The following TICRR variants were observed in gnomAD, a reference collection of about 807,000 sequenced individuals.
TICRR encodes treslin.
TICRR carries 132 observed loss-of-function variants against 178.1 expected under a neutral mutation model. The ratio of observed to expected loss-of-function variants is 0.74; its 90% confidence interval spans 0.64 to 0.86. TICRR has a LOEUF of 0.86. Ranked by LOEUF, TICRR falls within the 40% of genes least tolerant of loss-of-function variation. The probability of loss-of-function intolerance (pLI) is 0.00; values close to 1 mark genes in which losing one functional copy is unlikely to be tolerated. For missense variants in TICRR, 2,587 were observed against 2,334.3 expected (o/e 1.11, Z -2.23); for synonymous variants, 991 against 900.7 (o/e 1.10, Z -1.79).
In TICRR at chr15:89,576,197, G is replaced by A; in HGVS notation, c.611G>A (p.Arg204Gln). The A allele has an allele frequency of 6.3e-7, 1 of 1,596,180 alleles. No individual in the cohort carries two copies. Among genetic ancestry groups the A allele is most frequent in the South Asian group, 1.1e-5 (1 of 90,516 alleles). ...AGAGTCCGGGAAGTCATGGTCGCCCGAAAAATCACCTTCTACTGGGTGGAT... is the reference window on the plus strand; with the variant it reads ...AGAGTCCGGGAAGTCATGGTCGCCCAAAAAATCACCTTCTACTGGGTGGAT... ...PKRVREVMVA[R>Q]KITFYWVDTT... The change falls in exon 1 of 22, where the codon CGA (arginine) becomes CAA (glutamine). Residue 204 changes from arginine (R) to glutamine (Q), a missense_variant. Physicochemically the swap from Arg to Gln is conservative, Grantham distance 43 (BLOSUM62 1). Coordinates refer to ENST00000268138, the MANE Select transcript of TICRR (RefSeq NM_152259.4).
At chr15:89,614,253 T>A (rs1374590302) in intron 15 of TICRR, among the ~76,000 whole-genome samples, 1 of 152,154 alleles carries the variant, frequency 6.6e-6, no homozygotes, top group Non-Finnish European at 1.5e-5. Context: ...TTTTTTCCCC[T>A]GTGTATGGGC....
chr15:89,590,975 T>C (rs898979608), intron 4 of TICRR, among the ~76,000 whole-genome samples: 1 of 152,186 alleles, frequency 6.6e-6, no homozygotes, highest in Non-Finnish European at 1.5e-5. Context: ...AACCACCTCC[T>C]CCATCAGGCT....
At position 89,575,665 on chromosome 15, in the gene TICRR, G is replaced by A. The variant is rs1371884741; in HGVS notation, c.79G>A (p.Ala27Thr). 3 of 1,581,658 alleles carry A rather than the reference G, an allele frequency of 1.9e-6. No individual in the cohort carries two copies. Among genetic ancestry groups the A allele is most frequent in the Non-Finnish European group, 2.6e-6 (3 of 1,166,256 alleles). The stretch of plus-strand genomic sequence containing the variant: ...CCGCCACAGCCGGGTCCGGCGGGCC[G>A]CCCTGCGCCTCCTCACCTATCTGAG... The part of the protein sequence containing the change: ...AARHSRVRRA[A>T]LRLLTYLSCR... The change falls in exon 1 of 22, where the codon GCC (alanine) becomes ACC (threonine). Residue 27 changes from alanine to threonine, a missense_variant. Physicochemically the swap from Ala to Thr is moderately conservative, Grantham distance 58 (BLOSUM62 0). Coordinates refer to ENST00000268138, the MANE Select transcript of TICRR (RefSeq NM_152259.4).
At chr15:89,592,015 C>T in intron 4 of TICRR, 32 bp from the exon 5 acceptor site, 2 of 1,588,558 alleles carry the variant, frequency 1.3e-6, no homozygotes, top group Non-Finnish European at 1.7e-6. Context: ...CATGCTGTTT[C>T]CTCTCCTGCC....
At chr15:89,577,772 C>A (rs1409825569) in intron 1 of TICRR, among the ~76,000 whole-genome samples, 1 of 151,738 alleles carries the variant, frequency 6.6e-6, no homozygotes, top group Non-Finnish European at 1.5e-5. Context: ...CCAGGCCTGG[C>A]TAATTTTTTT....
chr15:89,592,598 T>C (rs1381304696), intron 5 of TICRR, among the ~76,000 whole-genome samples: 1 of 151,972 alleles, frequency 6.6e-6, no homozygotes, highest in Admixed American at 6.6e-5. Context: ...ACATGAGAAG[T>C]AAATAAGAAA....
Position 89,602,888 on chromosome 15 carries a change from A to G in TICRR, c.2660A>G (p.Lys887Arg), listed in dbSNP as rs777632740. 7 of 1,513,488 alleles carry G rather than the reference A, an allele frequency of 4.6e-6. No individual in the cohort carries two copies. The highest frequency in any genetic ancestry group is 4.9e-5 in the East Asian group (2 of 40,564). The allele number at this position is 1,513,488 out of a possible 1,614,324, so 93.8% of individuals were successfully genotyped here. ...EIPKVSKRAT[K>R]KENSHPAPQQ... is the part of the protein sequence containing the mutation. ...CCTAAAGTGTCAAAGAGAGCTACGA[A>G]AAAAGTAAGTAAACCTTCCAGCTTG... Residue 887 changes from lysine to arginine, a missense_variant, in exon 13 of 22, where the codon AAA becomes AGA. Lys to Arg is a conservative substitution (Grantham distance 26). Transcript: ENST00000268138.
intron 17 of TICRR, 77 bp downstream of exon 17, chr15:89,618,287 G>A: frequency 7.6e-7 from 1 of 1,315,428 alleles, no homozygotes; most frequent in Non-Finnish European, 1.1e-6. Flanking sequence ...ATTGTTACTT[G>A]GCATATCCTA....
rs768452769 is a variant in TICRR, at chr15:89,624,605, A to G, written c.4295A>G (p.Gln1432Arg). 6.2e-7 allele frequency: 1 copy of G among 1,613,946 alleles called. No homozygotes were observed. Among genetic ancestry groups the G allele is most frequent in the Non-Finnish European group, 8.5e-7 (1 of 1,180,000 alleles). ...CAGAAGGGACTGAGCCTCTCTCCTC[A>G]GTCTCCTCCTGAAAGACGGGGCTAC... ...DDQKGLSLSPQSPPERRGYPG... is the reference protein window; with the variant it reads ...DDQKGLSLSPRSPPERRGYPG... Residue 1432 changes from glutamine to arginine, a missense_variant, in exon 20 of 22, where the codon CAG becomes CGG. Coordinates refer to ENST00000268138, the MANE Select transcript of TICRR (RefSeq NM_152259.4).
intron 17 of TICRR, among the ~76,000 whole-genome samples, chr15:89,619,179 G>A (rs1567050890): frequency 1.3e-5 from 2 of 148,810 alleles, no homozygotes; most frequent in Admixed American, 6.7e-5. Flanking sequence ...ATATACATAC[G>A]AAACCTAACA....
rs759646216 is a variant in TICRR at position 89,576,202 on chromosome 15, A to G, written c.616A>G (p.Ile206Val). ...CCGGGAAGTCATGGTCGCCCGAAAA[A>G]TCACCTTCTACTGGGTGGATACCAC... Reference protein sequence around the residue: ...RVREVMVARKITFYWVDTTEW... With the variant: ...RVREVMVARKVTFYWVDTTEW... The change falls in exon 1 of 22, where the codon ATC becomes GTC. Residue 206 changes from isoleucine to valine, a missense_variant. Ile to Val is a conservative substitution (Grantham distance 29). Transcript: ENST00000268138. 2 of 1,596,002 alleles carry G rather than the reference A, an allele frequency of 1.3e-6. No homozygotes were observed. Among genetic ancestry groups the G allele is most frequent in the African/African-American group, 2.7e-5 (2 of 74,828 alleles).
At chr15:89,577,169 G>A (rs550828350) in intron 1 of TICRR, among the ~76,000 whole-genome samples, 1 of 152,188 alleles carries the variant, frequency 6.6e-6, no homozygotes, top group East Asian at 1.9e-4. Flanking sequence ...CAGGATTATA[G>A]GTGTGAGCCA....
chr15:89,610,419 T>C (rs1020498633), intron 15 of TICRR, among the ~76,000 whole-genome samples: 1 of 152,250 alleles, frequency 6.6e-6, no homozygotes, highest in Admixed American at 6.5e-5. Flanking sequence ...ATAATTATTA[T>C]GTCTTCTTGA....
At position 89,609,100 on chromosome 15, in the gene TICRR, C is replaced by CTTTTTTTTTTTTTTTTTTTTTTTTT. The variant is rs59398617; in HGVS notation, c.2869+155_2869+179dup. ...CTAAAGGTTTGTCAATTTTGTTAAT[C>CTTTTTTTTTTTTTTTTTTTTTTTTT]TTTTTTTTTTTTTTTTTTTTTTTTT... is the stretch of plus-strand genomic sequence containing the variant. On this transcript the variant is annotated intron_variant, in intron 15 of 21. Transcript: ENST00000268138. 8.6e-5 allele frequency: 7 copies of CTTTTTTTTTTTTTTTTTTTTTTTTT among 81,478 alleles called. 1 individual carries two copies. Among genetic ancestry groups the CTTTTTTTTTTTTTTTTTTTTTTTTT allele is most frequent in the African/African-American group, 7.4e-4 (7 of 9,406 alleles). 5.0% of individuals were successfully genotyped at this position (81,478 alleles called of 1,614,324 possible). A position where few individuals can be genotyped will look rare whatever the true frequency, so the allele number is the denominator to read the frequency against.
At chr15:89,594,853 C>T (rs936017387) in intron 6 of TICRR, among the ~76,000 whole-genome samples, 1 of 152,006 alleles carries the variant, frequency 6.6e-6, no homozygotes, top group African/African-American at 2.4e-5. Flanking sequence ...AGATATTATT[C>T]CATCTCATTG....
In TICRR at chr15:89,599,403, G is replaced by T. The variant is rs200636801; in HGVS notation, c.1980G>T (p.Leu660Phe). ...QKTVATGEIM[L>F]YACARNMIST... Reference sequence around the variant, plus strand: ...CTGTGGCCACAGGAGAAATCATGTTGTATGCATGTGCTCGAAACATGATCT... The same window carrying T: ...CTGTGGCCACAGGAGAAATCATGTTTTATGCATGTGCTCGAAACATGATCT... The change falls in exon 8 of 22, where the codon TTG becomes TTT. Residue 660 changes from leucine (L) to phenylalanine (F), a missense_variant. Transcript: ENST00000268138. 3 of 1,613,680 alleles carry T rather than the reference G, an allele frequency of 1.9e-6. No individual in the cohort carries two copies. Among genetic ancestry groups the T allele is most frequent in the Non-Finnish European group, 2.5e-6 (3 of 1,179,832 alleles).
chr15:89,597,939 A>T (rs1042480136), intron 7 of TICRR, among the ~76,000 whole-genome samples: 3 of 152,172 alleles, frequency 2.0e-5, no homozygotes, highest in African/African-American at 7.2e-5. Context: ...TATAGATCTT[A>T]TACAAATTTT....
At chr15:89,603,276 T>C (rs2141966879) in intron 13 of TICRR, among the ~76,000 whole-genome samples, 1 of 152,330 alleles carries the variant, frequency 6.6e-6, no homozygotes, top group Middle Eastern at 3.4e-3. Context: ...TGTTATATTT[T>C]ACTTTAATAA....
chr15:89,586,393 T>C (rs1404068822), intron 4 of TICRR, among the ~76,000 whole-genome samples: 1 of 152,162 alleles, frequency 6.6e-6, no homozygotes, highest in African/African-American at 2.4e-5. Context: ...GATATTTCTT[T>C]AATTCATTCA....
Sources: allele counts gnomAD v4.1 joint callset (sites outside exome capture counted in the v4.1 genomes callset), GRCh38; gene constraint gnomAD v4.1.1; transcripts MANE v1.5; gene names NCBI Gene and HGNC (gene_info 2026-07-23, HGNC 2026-07-21).